Variants in QRICH1 observed in about 807,000 individuals in gnomAD.
The protein encoded by QRICH1 is transcriptional regulator QRICH1.
QRICH1 carries 16 observed loss-of-function variants against 87.1 expected under a neutral mutation model. The ratio of observed to expected loss-of-function variants is 0.18; its 90% confidence interval spans 0.12 to 0.28. The LOEUF is 0.28. Among genes scored for constraint, QRICH1 ranks in the 10% least tolerant of loss-of-function variants. The probability of loss-of-function intolerance (pLI) is 1.00; values close to 1 mark genes in which losing one functional copy is unlikely to be tolerated. For missense variants in QRICH1, 647 were observed against 951.7 expected, an observed-to-expected ratio of 0.68 and a Z score of 4.21; for synonymous variants, 367 against 368.4, an observed-to-expected ratio of 1.00 and a Z score of 0.05.
At chr3:49,068,303 G>A (rs1440290636) in intron 2 of QRICH1, among the ~76,000 whole-genome samples, 1 of 151,978 alleles carries the variant, frequency 6.6e-6, no homozygotes, top group Admixed American at 6.6e-5. Flanking sequence ...GCTGCACTGA[G>A]CTATGATTGT....
chr3:49,066,965 G>A (rs1226899062), intron 2 of QRICH1, among the ~76,000 whole-genome samples: 1 of 151,910 alleles, frequency 6.6e-6, no homozygotes, highest in Non-Finnish European at 1.5e-5. Context: ...TTGAACCTGG[G>A]GGGCGGAGGT....
chr3:49,083,767 CAA>C (rs1366470541), intron 1 of QRICH1, among the ~76,000 whole-genome samples: 1 of 138,820 alleles, frequency 7.2e-6, no homozygotes, highest in Non-Finnish European at 1.6e-5. Context: ...GACTCCATCT[CAA>C]AAAAAAAAAA....
At chr3:49,043,902 G>A (rs1323313997) in intron 6 of QRICH1, among the ~76,000 whole-genome samples, 2 of 152,194 alleles carry the variant, frequency 1.3e-5, no homozygotes, top group African/African-American at 2.4e-5. Context: ...CTACTCAGGA[G>A]GCTGAGGTAG....
In QRICH1 at chr3:49,030,482, G is replaced by C. The variant is rs756561743; in HGVS notation, c.2301C>G (p.Ile767Met). ...GCATAGTGCTTGCATTGGCCACTGC[G>C]ATGGCCTCCTGAATTTCTCTTATCA... ...ILVIREIQEA[I>M]AVANASTMH The change falls in exon 10 of 10, where the codon ATC becomes ATG. Residue 767 changes from isoleucine (I) to methionine (M), a missense_variant. Transcript: ENST00000395443. 30 of 1,613,570 alleles carry C rather than the reference G, an allele frequency of 1.9e-5. No individual in the cohort carries two copies. In the East Asian group the frequency reaches 4.5e-4, roughly 24 times the overall value.
chr3:49,071,158 G>A (rs972834405), intron 2 of QRICH1, among the ~76,000 whole-genome samples: 1 of 151,736 alleles, frequency 6.6e-6, no homozygotes, highest in Non-Finnish European at 1.5e-5. Context: ...TCCACCTCCC[G>A]GGTTCACGTC....
intron 6 of QRICH1, 114 bp from the exon 7 acceptor site, chr3:49,033,342 A>C (rs2093254057): frequency 1.8e-6 from 1 of 560,156 alleles, no homozygotes; most frequent in South Asian, 5.4e-5. Flanking sequence ...TCATCAGGGG[A>C]CTCTCCCTAA....
intron 2 of QRICH1, among the ~76,000 whole-genome samples, chr3:49,065,682 CT>C (rs2093464115): frequency 6.6e-6 from 1 of 151,414 alleles, no homozygotes; most frequent in South Asian, 2.1e-4. Flanking sequence ...AGGAGTCTCT[CT>C]CTTTTTTTTT....
At chr3:49,070,694 C>T (rs1297163943) in intron 2 of QRICH1, among the ~76,000 whole-genome samples, 1 of 152,162 alleles carries the variant, frequency 6.6e-6, no homozygotes, top group African/African-American at 2.4e-5. Context: ...TTCAGCTTCC[C>T]AAACAGCTGG....
chr3:49,064,135 T>C (rs1408226421), intron 2 of QRICH1, among the ~76,000 whole-genome samples: 3 of 152,032 alleles, frequency 2.0e-5, no homozygotes, highest in Non-Finnish European at 4.4e-5. Flanking sequence ...TTCTCCATGT[T>C]GGTCAGGCTG....
chr3:49,064,930 CA>C, intron 2 of QRICH1, among the ~76,000 whole-genome samples: 1 of 152,024 alleles, frequency 6.6e-6, no homozygotes, highest in Middle Eastern at 3.4e-3. Flanking sequence ...GACAGGAGAA[CA>C]GCCTGAACCC....
intron 9 of QRICH1, among the ~76,000 whole-genome samples, chr3:49,031,585 A>G (rs1405181765): frequency 6.6e-6 from 1 of 152,206 alleles, no homozygotes; most frequent in African/African-American, 2.4e-5. Flanking sequence ...AAAAACAGTG[A>G]TAAGTGCTAC....
chr3:49,039,288 C>T (rs1474549923), intron 6 of QRICH1, among the ~76,000 whole-genome samples: 1 of 151,844 alleles, frequency 6.6e-6, no homozygotes, highest in African/African-American at 2.4e-5. Context: ...ACCTGGCAGA[C>T]AGAGGTTGCA....
At chr3:49,080,966 C>CAAAAAAAA (rs34230924) in intron 1 of QRICH1, among the ~76,000 whole-genome samples, 1 of 24,806 alleles carries the variant, frequency 4.0e-5, no homozygotes, top group Non-Finnish European at 6.5e-5. Context: ...AACTCCATCT[C>CAAAAAAAA]AAAAAAAAAA....
At chr3:49,051,811 C>T (rs1393279661) in intron 3 of QRICH1, among the ~76,000 whole-genome samples, 1 of 152,114 alleles carries the variant, frequency 6.6e-6, no homozygotes, top group African/African-American at 2.4e-5. Context: ...GCATGGGAGG[C>T]AGTGCTTCTG....
chr3:49,086,247 C>CTCTTTT lies in QRICH1; in HGVS notation c.-22+7659_-22+7664dup, dbSNP rs1212365461. Among the ~76,000 whole-genome samples, 5 of 150,330 alleles carry CTCTTTT rather than the reference C, an allele frequency of 3.3e-5. No homozygotes were observed. In the East Asian group the frequency reaches 7.7e-4, roughly 23 times the overall value. On this transcript the variant is annotated intron_variant, in intron 1 of 9. Coordinates refer to ENST00000395443, the MANE Select transcript of QRICH1 (RefSeq NM_198880.3). ...TCACTGGTATCTCCTCTGTATCTCC[C>CTCTTTT]TCTTTTTCTTTTTCTTTTTTTTTTT...
intron 1 of QRICH1, among the ~76,000 whole-genome samples, chr3:49,092,110 G>C (rs9857248): frequency 6.6e-6 from 1 of 151,598 alleles, no homozygotes; most frequent in African/African-American, 2.4e-5. Context: ...GTGTATCCTA[G>C]AAAAACTTTA....
chr3:49,036,632 G>A (rs1339067094), intron 6 of QRICH1, among the ~76,000 whole-genome samples: 4 of 151,402 alleles, frequency 2.6e-5, no homozygotes, highest in Non-Finnish European at 5.9e-5. Flanking sequence ...GGACATCACT[G>A]AGAGAAGCTG....
intron 1 of QRICH1, among the ~76,000 whole-genome samples, chr3:49,089,817 T>C (rs75806103): frequency 0.012 from 1,773 of 152,276 alleles, 37 homozygotes; most frequent in African/African-American, 0.041. Context: ...AGAAGAAGAA[T>C]GTTATCACAG....
intron 1 of QRICH1, among the ~76,000 whole-genome samples, chr3:49,078,266 C>G (rs536732651): frequency 2.0e-5 from 3 of 151,922 alleles, no homozygotes; most frequent in South Asian, 4.2e-4. Context: ...TACCTAGGCT[C>G]TAAGTTCTTG....
Sources: gnomAD v4.1 joint callset for allele counts (sites outside exome capture counted in the v4.1 genomes callset) on GRCh38, gnomAD v4.1.1 for gene constraint, MANE v1.5 for transcripts, NCBI Gene and HGNC (gene_info 2026-07-23, HGNC 2026-07-21) for gene names.